Variants in SPOPL observed in about 807,000 individuals in gnomAD.
SPOPL encodes speckle type BTB/POZ protein like.
In SPOPL, 23 loss-of-function variants were observed where a neutral mutation model predicts 53.8. The observed-to-expected ratio is 0.43, with a 90% confidence interval of 0.31 to 0.61. The LOEUF is 0.61. SPOPL is among the 20% of genes least tolerant of loss of function. SPOPL has a pLI of 0.12. For synonymous variants in SPOPL, 164 were observed against 149.7 expected (o/e 1.10, Z -0.70); for missense variants, 442 against 466.9 (o/e 0.95, Z 0.49).
intron 8 of SPOPL, chr2:138,564,471 A>G: frequency 2.2e-6 from 1 of 451,306 alleles, no homozygotes; most frequent in Non-Finnish European, 3.9e-6. Context: ...TTTAGAATAA[A>G]TCCTACTTCA....
intron 2 of SPOPL, 42 bp downstream of exon 2, chr2:138,550,336 A>G: frequency 4.4e-6 from 7 of 1,608,762 alleles, no homozygotes; most frequent in Non-Finnish European, 6.0e-6. Context: ...TCACTTATAA[A>G]TTTTACAGTA....
At chr2:138,503,052 C>T (rs1370851495) in intron 1 of SPOPL, among the ~76,000 whole-genome samples, 3 of 152,166 alleles carry the variant, frequency 2.0e-5, no homozygotes, top group African/African-American at 4.8e-5. Flanking sequence ...CAATTGAATC[C>T]ACTGTTTCTT....
chr2:138,538,396 A>G lies in SPOPL; in HGVS notation c.-60-11761A>G, dbSNP rs1684984297. Among the ~76,000 whole-genome samples the G allele has an allele frequency of 2.0e-5, 3 of 152,158 alleles. No individual in the cohort carries two copies. The South Asian group carries it at 6.2e-4, about 32-fold the overall frequency. On this transcript the variant is annotated intron_variant, in intron 1 of 10. Transcript: ENST00000280098. ...TTTGGGGCTCTATTATTTGGTGTAT[A>G]TATGTTTGTACTTGTCATACCTTCT...
chr2:138,513,116 T>C (rs1684362233), intron 1 of SPOPL, among the ~76,000 whole-genome samples: 1 of 152,230 alleles, frequency 6.6e-6, no homozygotes, highest in South Asian at 2.1e-4. Flanking sequence ...TTCAATTTAG[T>C]GTTTTCTCTT....
chr2:138,556,604 G>A (rs952764280), intron 5 of SPOPL, among the ~76,000 whole-genome samples: 1 of 152,160 alleles, frequency 6.6e-6, no homozygotes, highest in Non-Finnish European at 1.5e-5. Flanking sequence ...GTTATAATGT[G>A]TAGTAGAACA....
intron 8 of SPOPL, among the ~76,000 whole-genome samples, 171 bp downstream of exon 8, chr2:138,561,098 C>A (rs1685536777): frequency 6.6e-6 from 1 of 151,912 alleles, no homozygotes; most frequent in Admixed American, 6.6e-5. Context: ...TTTTAAAAGT[C>A]ATGATGTGAA....
intron 1 of SPOPL, among the ~76,000 whole-genome samples, chr2:138,521,358 C>T (rs904033274): frequency 3.3e-5 from 5 of 149,918 alleles, no homozygotes; most frequent in African/African-American, 1.2e-4. Flanking sequence ...GCACGTGGAC[C>T]CCAGAGCTTT....
intron 1 of SPOPL, among the ~76,000 whole-genome samples, chr2:138,548,239 C>CTTTTTTTTTTTTTTTTTTTTTTTTT (rs34021497): frequency 1.1e-5 from 1 of 89,016 alleles, no homozygotes; most frequent in African/African-American, 4.5e-5. Context: ...TGAAGGTAAA[C>CTTTTTTTTTTTTTTTTTTTTTTTTT]TTTTTTTTTT....
chr2:138,518,046 CAAAAAA>C (rs61662616), intron 1 of SPOPL, among the ~76,000 whole-genome samples: 6 of 67,804 alleles, frequency 8.8e-5, no homozygotes, highest in African/African-American at 2.6e-4. Context: ...GAAACTGTCT[CAAAAAA>C]AAAAAAAAAA....
rs1234591052 is a variant in SPOPL, at chr2:138,501,934, A to G, written c.-246A>G. On this transcript the variant is annotated 5_prime_UTR_variant, in exon 1 of 11. Coordinates refer to ENST00000280098, the MANE Select transcript of SPOPL (RefSeq NM_001001664.3). ...CCCGGGGAAGAAGTTTAGGAGCGGG[A>G]GATAGGGAAGGAGGGCGGGTCGGGG... 1.3e-5 allele frequency: 2 copies of G among 151,536 alleles called. No individual in the cohort carries two copies. The highest frequency in any genetic ancestry group is 4.9e-5 in the African/African-American group (2 of 41,136). 9.4% of individuals were successfully genotyped at this position (151,536 alleles called of 1,614,324 possible).
At chr2:138,502,618 T>C (rs78418104) in intron 1 of SPOPL, among the ~76,000 whole-genome samples, 1,655 of 152,272 alleles carry the variant, frequency 0.011, 34 homozygotes, top group African/African-American at 0.038. Context: ...GTTCTCAGCT[T>C]CGCAGACCGC....
At chr2:138,562,605 T>A (rs66734207) in intron 8 of SPOPL, among the ~76,000 whole-genome samples, 22,622 of 151,610 alleles carry the variant, frequency 0.15, 1,915 homozygotes, top group African/African-American at 0.23. Flanking sequence ...GCCAACATGG[T>A]GAACCCTGTC....
chr2:138,557,721 TTTTTG>T (rs1491233269), intron 5 of SPOPL, among the ~76,000 whole-genome samples: 1 of 152,332 alleles, frequency 6.6e-6, no homozygotes, highest in Non-Finnish European at 1.5e-5. Context: ...AATGTAGCAC[TTTTTG>T]TTTTGTTTTG....
intron 7 of SPOPL, 114 bp from the exon 8 acceptor site, chr2:138,560,691 T>C (rs1449919050): frequency 3.7e-5 from 43 of 1,147,344 alleles, no homozygotes; most frequent in South Asian, 5.0e-5. Flanking sequence ...ATTTGAGTTA[T>C]ACACTATTTT....
intron 1 of SPOPL, among the ~76,000 whole-genome samples, chr2:138,503,229 C>T (rs577131675): frequency 6.6e-6 from 1 of 152,190 alleles, no homozygotes; most frequent in South Asian, 2.1e-4. Context: ...TATATAGTTG[C>T]CAGGGTGTAA....
chr2:138,553,282 T>G (rs929315228), intron 5 of SPOPL, among the ~76,000 whole-genome samples: 2 of 152,148 alleles, frequency 1.3e-5, no homozygotes, highest in Non-Finnish European at 2.9e-5. Context: ...TGTACACTTA[T>G]GATTTGTCCT....
chr2:138,546,557 G>A (rs1332514929), intron 1 of SPOPL, among the ~76,000 whole-genome samples: 7 of 152,152 alleles, frequency 4.6e-5, no homozygotes, highest in Middle Eastern at 6.3e-3. Flanking sequence ...ATTCAACAGT[G>A]TAAATTTGGA....
At position 138,541,049 on chromosome 2, in the gene SPOPL, T is replaced by C. The variant is rs1685060850; in HGVS notation, c.-60-9108T>C. Among the ~76,000 whole-genome samples, 5 of 152,240 alleles carry C rather than the reference T, an allele frequency of 3.3e-5. No individual in the cohort carries two copies. In the South Asian group the frequency reaches 1.0e-3, roughly 32 times the overall value. Reference sequence around the variant, plus strand: ...TGTTTATATGCTGGATTACGTTTATTGATTTGCATATGTTGAAGCAGCTTT... The same window carrying C: ...TGTTTATATGCTGGATTACGTTTATCGATTTGCATATGTTGAAGCAGCTTT... On this transcript the variant is annotated intron_variant, in intron 1 of 10. Coordinates refer to ENST00000280098, the MANE Select transcript of SPOPL (RefSeq NM_001001664.3).
intron 5 of SPOPL, among the ~76,000 whole-genome samples, chr2:138,555,131 GGTGTGTGTGTGTGT>G (rs61000380): frequency 8.6e-5 from 12 of 140,090 alleles, no homozygotes; most frequent in African/African-American, 2.4e-4. Flanking sequence ...AGGGTAGGAG[GGTGTGTGTGTGTGT>G]GTGTGTGTGT....
Sources: allele counts gnomAD v4.1 joint callset (sites outside exome capture counted in the v4.1 genomes callset), GRCh38; gene constraint gnomAD v4.1.1; transcripts MANE v1.5; gene names NCBI Gene and HGNC (gene_info 2026-07-23, HGNC 2026-07-21).